The following GPR161 variants were observed in gnomAD, a reference collection of about 807,000 sequenced individuals.
GPR161 encodes G-protein coupled receptor RE2.
A neutral mutation model predicts 39.2 loss-of-function variants in GPR161; 25 were observed. That is an observed-to-expected ratio of 0.64 (90% CI 0.47 to 0.89). The LOEUF (loss-of-function observed/expected upper bound fraction) is 0.89, where lower values mean the gene tolerates loss of function less well. Among genes scored for constraint, GPR161 ranks in the 40% least tolerant of loss-of-function variants. The probability of loss-of-function intolerance (pLI) is 0.00; values close to 1 mark genes in which losing one functional copy is unlikely to be tolerated. For missense variants in GPR161, 547 were observed against 677.8 expected (o/e 0.81, Z 2.14); for synonymous variants, 286 against 276.6 (o/e 1.03, Z -0.34).
At chr1:168,129,380 A>C (rs1393453956) in intron 1 of GPR161, among the ~76,000 whole-genome samples, 1 of 152,228 alleles carries the variant, frequency 6.6e-6, no homozygotes. Flanking sequence ...GATTACAAAA[A>C]GCATTGCAGG....
In GPR161 at chr1:168,118,089, T is replaced by C. The variant is rs150770219; in HGVS notation, c.-44-13195A>G. 5.7e-3 allele frequency among the ~76,000 whole-genome samples: 874 copies of C among 152,320 alleles called. 8 individuals carry two copies. Among genetic ancestry groups the C allele is most frequent in the African/African-American group, 0.02 (827 of 41,566 alleles). Reference sequence around the variant, plus strand: ...CCCTGGATTTGGCAGTGATTTCTTATAGTTGACACCAAAGGCACAAGCAAC... The same window carrying C: ...CCCTGGATTTGGCAGTGATTTCTTACAGTTGACACCAAAGGCACAAGCAAC... On this transcript the variant is annotated intron_variant, in intron 1 of 5. Transcript: ENST00000682931.
intron 2 of GPR161, among the ~76,000 whole-genome samples, chr1:168,097,707 C>T (rs774358702): frequency 6.6e-6 from 1 of 152,210 alleles, no homozygotes; most frequent in Non-Finnish European, 1.5e-5. Context: ...CACCGCGCTA[C>T]CTCCTGGAAA....
At chr1:168,105,826 C>T (rs1270271757) in intron 1 of GPR161, among the ~76,000 whole-genome samples, 1 of 152,204 alleles carries the variant, frequency 6.6e-6, no homozygotes, top group African/African-American at 2.4e-5. Context: ...CCAAAAAACC[C>T]CACAGATCAC....
intron 3 of GPR161, among the ~76,000 whole-genome samples, chr1:168,095,148 A>G (rs778170763): frequency 5.4e-4 from 83 of 152,358 alleles, no homozygotes; most frequent in Middle Eastern, 3.4e-3. Flanking sequence ...CATCAGATGA[A>G]CACAAATTAA....
chr1:168,101,555 C>A (rs1696107130), intron 2 of GPR161, among the ~76,000 whole-genome samples: 1 of 152,176 alleles, frequency 6.6e-6, no homozygotes, highest in Non-Finnish European at 1.5e-5. Flanking sequence ...AGCGTCCAGG[C>A]TCGGGCATCT....
Position 168,136,922 on chromosome 1 carries a change from A to AG in GPR161, c.-229dup. 4.1e-6 allele frequency: 4 copies of AG among 968,724 alleles called. No homozygotes were observed. Among genetic ancestry groups the AG allele is most frequent in the Non-Finnish European group, 4.9e-6 (4 of 824,660 alleles). 60.0% of individuals were successfully genotyped at this position (968,724 alleles called of 1,614,324 possible). A position where few individuals can be genotyped will look rare whatever the true frequency, so the allele number is the denominator to read the frequency against. On this transcript the variant is annotated 5_prime_UTR_variant, in exon 1 of 6. Coordinates refer to ENST00000682931, the MANE Select transcript of GPR161 (RefSeq NM_001375883.1). ...CCAGCACGCGGACCCGGGCGGGCGC[A>AG]GGCCAAGTAACTTTGCGGCGCCCGC...
chr1:168,111,976 AAGAG>A (rs1277736349), intron 1 of GPR161, among the ~76,000 whole-genome samples: 3 of 151,986 alleles, frequency 2.0e-5, no homozygotes, highest in Admixed American at 2.0e-4. Flanking sequence ...AAAAAAAAAA[AAGAG>A]GCCAGAAAAC....
intron 1 of GPR161, chr1:168,118,612 TA>T (rs371211500): frequency 1.2e-4 from 18 of 151,442 alleles, no homozygotes; most frequent in South Asian, 2.1e-4. Context: ...TATATACACA[TA>T]AAAAAAAATT....
At chr1:168,109,329 G>A (rs1485838034) in intron 1 of GPR161, among the ~76,000 whole-genome samples, 1 of 152,084 alleles carries the variant, frequency 6.6e-6, no homozygotes, top group Non-Finnish European at 1.5e-5. Context: ...AAAAAAGAAA[G>A]AAACCTACAG....
intron 1 of GPR161, 102 bp from the exon 2 acceptor site, chr1:168,104,996 C>T: frequency 2.5e-6 from 2 of 810,448 alleles, no homozygotes; most frequent in Non-Finnish European, 3.9e-6. Context: ...TGCTACGCCT[C>T]AGATCACCCA....
In GPR161 at chr1:168,096,668, G is replaced by T; in HGVS notation, c.939C>A (p.Ser313=). The change falls in exon 3 of 6, where the codon TCC becomes TCA. Residue 313 remains serine, a synonymous_variant. Coordinates refer to ENST00000682931, the MANE Select transcript of GPR161 (RefSeq NM_001375883.1). ...PSLETWATWL[S]FASAVCHPLI... is the part of the protein sequence containing the mutation. The stretch of plus-strand genomic sequence containing the variant: ...GGGGGTGGCAGACAGCGCTGGCAAA[G>T]GACAGCCATGTGGCCCAAGTCTCCA... The T allele has an allele frequency of 6.2e-7, 1 of 1,614,132 alleles. No homozygotes were observed. Among genetic ancestry groups the T allele is most frequent in the Non-Finnish European group, 8.5e-7 (1 of 1,180,018 alleles).
chr1:168,094,335 G>A (rs1196233024), intron 3 of GPR161, among the ~76,000 whole-genome samples: 4 of 152,018 alleles, frequency 2.6e-5, no homozygotes, highest in Admixed American at 6.5e-5. Flanking sequence ...ATTAATCAGT[G>A]AAATGAAGCC....
At chr1:168,115,706 C>T (rs531204218) in intron 1 of GPR161, among the ~76,000 whole-genome samples, 7 of 152,142 alleles carry the variant, frequency 4.6e-5, no homozygotes, top group South Asian at 4.2e-4. Context: ...CAGGTCCTGA[C>T]GCCTCTCTAA....
At chr1:168,132,160 G>A (rs938415339) in intron 1 of GPR161, among the ~76,000 whole-genome samples, 2 of 152,308 alleles carry the variant, frequency 1.3e-5, no homozygotes, top group Non-Finnish European at 2.9e-5. Flanking sequence ...AGCTACGTGG[G>A]AGGCTGAGGC....
chr1:168,117,500 A>AC (rs1045875565), intron 1 of GPR161, among the ~76,000 whole-genome samples: 18 of 151,190 alleles, frequency 1.2e-4, no homozygotes, highest in Non-Finnish European at 1.8e-4. Context: ...ATGTTACTTA[A>AC]CCCCCCCCTG....
chr1:168,131,758 G>T (rs1699006709), intron 1 of GPR161, among the ~76,000 whole-genome samples: 1 of 151,998 alleles, frequency 6.6e-6, no homozygotes, highest in South Asian at 2.1e-4. Context: ...GACAATCAAA[G>T]GTACAATAAG....
At chr1:168,135,025 C>G (rs1699260151) in intron 1 of GPR161, 1 of 1,525,296 alleles carries the variant, frequency 6.6e-7, no homozygotes, top group African/African-American at 1.4e-5. Context: ...AGAGGACGCA[C>G]AGTGCACCAG....
intron 1 of GPR161, among the ~76,000 whole-genome samples, chr1:168,115,937 G>C (rs534512989): frequency 6.6e-6 from 1 of 152,024 alleles, no homozygotes; most frequent in African/African-American, 2.4e-5. Context: ...CACCACGCCC[G>C]GCTAATTTTT....
intron 1 of GPR161, among the ~76,000 whole-genome samples, chr1:168,123,537 TACACACACAC>T (rs10534836): frequency 0.091 from 12,502 of 138,106 alleles, 592 homozygotes; most frequent in Middle Eastern, 0.18. Flanking sequence ...TGCACATACA[TACACACACAC>T]ACACACACAC....
Sources: gnomAD v4.1 joint callset for allele counts (sites outside exome capture counted in the v4.1 genomes callset) on GRCh38, gnomAD v4.1.1 for gene constraint, MANE v1.5 for transcripts, NCBI Gene and HGNC (gene_info 2026-07-23, HGNC 2026-07-21) for gene names.